MCM9: variants seen among roughly 807,000 people sequenced by gnomAD.
MCM9 encodes the protein DNA helicase MCM9.
In MCM9, 55 loss-of-function variants were observed where a neutral mutation model predicts 72.8. The ratio of observed to expected loss-of-function variants is 0.76; its 90% confidence interval spans 0.61 to 0.95. MCM9 has a LOEUF of 0.95. Among genes scored for constraint, MCM9 ranks in the 40% least tolerant of loss-of-function variants. The pLI is 0.00. For missense variants in MCM9, 1,279 were observed against 1,377.0 expected (o/e 0.93, Z 1.13); for synonymous variants, 480 against 503.4 (o/e 0.95, Z 0.62).
At chr6:118,856,662 T>C in intron 8 of MCM9, 117 bp from the exon 9 acceptor site, 1 of 1,106,472 alleles carries the variant, frequency 9.0e-7, no homozygotes, top group Non-Finnish European at 1.3e-6. Flanking sequence ...GAAGATTTCT[T>C]GAACACAGGA....
At chr6:118,911,482 A>G in intron 8 of MCM9, 168 bp downstream of exon 8, 1 of 1,318,940 alleles carries the variant, frequency 7.6e-7, no homozygotes, top group Non-Finnish European at 9.7e-7. Context: ...CTTGCAAGAT[A>G]TTTTCTTAGA....
chr6:118,835,767 T>C (rs1420349606), intron 9 of MCM9, among the ~76,000 whole-genome samples: 1 of 152,186 alleles, frequency 6.6e-6, no homozygotes, highest in Non-Finnish European at 1.5e-5. Context: ...AATGGGGTTT[T>C]CCAAATATAC....
At chr6:118,910,623 G>C in intron 8 of MCM9, 1 of 985,024 alleles carries the variant, frequency 1.0e-6, no homozygotes, top group South Asian at 4.7e-5. Context: ...TTTATTTGTT[G>C]TTGGTATCAT....
In MCM9 at chr6:118,896,180, G is replaced by T. The variant is rs550449334; in HGVS notation, c.1150+15470C>A. Among the ~76,000 whole-genome samples the T allele has an allele frequency of 5.3e-5, 8 of 151,668 alleles. No homozygotes were observed. In the South Asian group the frequency reaches 1.7e-3, roughly 31 times the overall value. Reference sequence around the variant, plus strand: ...TAAGGGGTATTTTTCTTATTACTCTGAAGTCATTTGATTACTCTCCTATGA... The same window carrying T: ...TAAGGGGTATTTTTCTTATTACTCTTAAGTCATTTGATTACTCTCCTATGA... On this transcript the variant is annotated intron_variant, in intron 8 of 13. Coordinates refer to ENST00000619706, the MANE Select transcript of MCM9 (RefSeq NM_017696.3).
At position 118,815,770 on chromosome 6, in the gene MCM9, G is replaced by T. The variant is rs1444444852; in HGVS notation, c.2486C>A (p.Ala829Glu). The change falls in exon 14 of 14, where the codon GCA (alanine) becomes GAA (glutamate). Residue 829 changes from alanine to glutamate, a missense_variant. Coordinates refer to ENST00000619706, the MANE Select transcript of MCM9 (RefSeq NM_017696.3). ...GTCTGGTTTATCAGCAGAGACTGCT[G>T]CTTCAGAATCTAGTGCTAGCCTTTT... ...KKKRLALDSE[A>E]AVSADKPDSV... 1.3e-6 allele frequency: 2 copies of T among 1,541,428 alleles called. No homozygotes were observed. The highest frequency in any genetic ancestry group is 8.7e-7 in the Non-Finnish European group (1 of 1,147,020).
At chr6:118,926,829 A>G (rs917423282) in intron 3 of MCM9, among the ~76,000 whole-genome samples, 2 of 152,222 alleles carry the variant, frequency 1.3e-5, no homozygotes, top group East Asian at 1.9e-4. Context: ...GGTTATTAAA[A>G]TAATTTTTTT....
chr6:118,834,431 G>T (rs183352104), intron 9 of MCM9, among the ~76,000 whole-genome samples: 2 of 152,076 alleles, frequency 1.3e-5, no homozygotes, highest in East Asian at 3.9e-4. Context: ...TGAGGAAATC[G>T]CCACACTGTC....
At chr6:118,824,853 G>T (rs1774058849) in intron 13 of MCM9, among the ~76,000 whole-genome samples, 1 of 152,054 alleles carries the variant, frequency 6.6e-6, no homozygotes, top group African/African-American at 2.4e-5. Flanking sequence ...ACCTGGTTTT[G>T]TTGCTTTCAG....
chr6:118,909,482 A>G (rs114377836), intron 8 of MCM9, among the ~76,000 whole-genome samples: 213 of 152,352 alleles, frequency 1.4e-3, no homozygotes, highest in African/African-American at 4.9e-3. Context: ...ACTGTAGCAC[A>G]TAAGTTTTTT....
chr6:118,930,724 T>G (rs1402669698), intron 3 of MCM9, among the ~76,000 whole-genome samples: 1 of 152,222 alleles, frequency 6.6e-6, no homozygotes, highest in Non-Finnish European at 1.5e-5. Context: ...CGCCACACTA[T>G]GCCTTCCAAG....
At chr6:118,908,439 A>T (rs1335815384) in intron 8 of MCM9, 1 of 152,146 alleles carries the variant, frequency 6.6e-6, no homozygotes, top group Non-Finnish European at 1.5e-5. Context: ...AAATACCATG[A>T]CCTTTAAAAA....
chr6:118,865,113 C>A (rs1160478510), intron 8 of MCM9, among the ~76,000 whole-genome samples: 2 of 152,126 alleles, frequency 1.3e-5, no homozygotes, highest in East Asian at 3.8e-4. Flanking sequence ...ATATTGAGCA[C>A]CCACAATTTT....
chr6:118,816,847 C>A (rs1773441827), intron 13 of MCM9, among the ~76,000 whole-genome samples: 1 of 151,280 alleles, frequency 6.6e-6, no homozygotes, highest in African/African-American at 2.4e-5. Context: ...AGTCAAGAGT[C>A]TGTGATACTT....
rs1259929048 is a variant in MCM9, at chr6:118,829,146, C to T, written c.1430G>A (p.Ser477Asn). Reference sequence around the variant, plus strand: ...CAGGTCAAATCGACTTAAGAGTGGGCTGCCGAGGGCAATGTTCACAGACAC... The same window carrying T: ...CAGGTCAAATCGACTTAAGAGTGGGTTGCCGAGGGCAATGTTCACAGACAC... ...ESVSVNIALG[S>N]PLLSRFDLIL... Residue 477 changes from serine (S) to asparagine (N), a missense_variant, in exon 10 of 14, where the codon AGC becomes AAC. Ser to Asn is a conservative substitution (Grantham distance 46). Coordinates refer to ENST00000619706, the MANE Select transcript of MCM9 (RefSeq NM_017696.3). 6.4e-7 allele frequency: 1 copy of T among 1,550,572 alleles called. No homozygotes were observed. The highest frequency in any genetic ancestry group is 2.0e-5 in the Admixed American group (1 of 51,000).
At chr6:118,918,801 T>A (rs1251590494) in intron 5 of MCM9, 2 of 152,222 alleles carry the variant, frequency 1.3e-5, no homozygotes, top group African/African-American at 4.8e-5. Context: ...TATGTGCTGA[T>A]GAAAAATGCC....
At chr6:118,827,263 A>G (rs950483550) in intron 11 of MCM9, among the ~76,000 whole-genome samples, 5 of 152,244 alleles carry the variant, frequency 3.3e-5, no homozygotes, top group South Asian at 2.1e-4. Flanking sequence ...CAAACAAGCA[A>G]TTCTAAATTC....
Position 118,844,350 on chromosome 6 carries a change from G to A in MCM9, c.1325+12021C>T, listed in dbSNP as rs141653372. Among the ~76,000 whole-genome samples, 82 of 147,406 alleles carry A rather than the reference G, an allele frequency of 5.6e-4. No homozygotes were observed. The East Asian group carries it at 0.014, about 25-fold the overall frequency. On this transcript the variant is annotated intron_variant, in intron 9 of 13. Coordinates refer to ENST00000619706, the MANE Select transcript of MCM9 (RefSeq NM_017696.3). ...TTCTTAAATTGTAGAGTGAGACAGAGTGAGTGTTATGAAAAATGAACACAT... is the reference window on the plus strand; with the variant it reads ...TTCTTAAATTGTAGAGTGAGACAGAATGAGTGTTATGAAAAATGAACACAT...
intron 8 of MCM9, among the ~76,000 whole-genome samples, chr6:118,882,609 A>G (rs1368999035): frequency 3.3e-5 from 5 of 152,222 alleles, no homozygotes; most frequent in Non-Finnish European, 7.3e-5. Flanking sequence ...ATCAACAACT[A>G]GAGCCTACCA....
intron 9 of MCM9, among the ~76,000 whole-genome samples, chr6:118,848,197 C>T (rs1776000017): frequency 6.6e-6 from 1 of 151,590 alleles, no homozygotes. Context: ...TTTGTTCTGA[C>T]AAAGTACAAA....
Sources: allele counts gnomAD v4.1 joint callset (sites outside exome capture counted in the v4.1 genomes callset), GRCh38; gene constraint gnomAD v4.1.1; transcripts MANE v1.5; gene names NCBI Gene and HGNC (gene_info 2026-07-23, HGNC 2026-07-21).